DPP10: variants seen among roughly 807,000 people sequenced by gnomAD.
The protein encoded by DPP10 is inactive dipeptidyl peptidase 10.
In DPP10, 33 loss-of-function variants were observed where a neutral mutation model predicts 120.9. The ratio of observed to expected loss-of-function variants is 0.27; its 90% CI spans 0.21 to 0.37. DPP10 has a LOEUF of 0.37. Among genes scored for constraint, DPP10 ranks in the 10% least tolerant of loss-of-function variants. The probability of loss-of-function intolerance (pLI) is 1.00; values close to 1 mark genes in which losing one functional copy is unlikely to be tolerated. For synonymous variants in DPP10, 337 were observed against 326.1 expected (o/e 1.03, Z -0.36); for missense variants, 816 against 942.8 (o/e 0.87, Z 1.76).
At position 115,055,152 on chromosome 2, in the gene DPP10, T is replaced by C. The variant is rs558835249; in HGVS notation, c.61-254087T>C. Among the ~76,000 whole-genome samples the C allele has an allele frequency of 1.2e-4, 18 of 152,314 alleles. No homozygotes were observed. The South Asian group carries it at 3.3e-3, about 28-fold the overall frequency. On this transcript the variant is annotated intron_variant, in intron 1 of 25. Transcript: ENST00000410059. The stretch of plus-strand genomic sequence containing the variant: ...CATTTCTTATTCCTCATCCAACCTG[T>C]TTTCTTTCAAAGAGGCTAGCTCTTA...
At chr2:115,589,173 G>A (rs747067126) in intron 5 of DPP10, among the ~76,000 whole-genome samples, 3 of 152,244 alleles carry the variant, frequency 2.0e-5, no homozygotes, top group South Asian at 2.1e-4. Context: ...TAGTAACCAC[G>A]AAACTCCTGC....
intron 1 of DPP10, among the ~76,000 whole-genome samples, chr2:115,222,883 C>T (rs957840468): frequency 1.3e-5 from 2 of 151,808 alleles, no homozygotes; most frequent in African/African-American, 4.8e-5. Context: ...TTCTAAAGAG[C>T]ATTATTAAAA....
chr2:114,880,046 A>G (rs1691480416), intron 1 of DPP10, among the ~76,000 whole-genome samples: 1 of 152,316 alleles, frequency 6.6e-6, no homozygotes, highest in African/African-American at 2.4e-5. Flanking sequence ...AAGAGATTAT[A>G]CTTATTCCCT....
At chr2:114,770,121 A>G (rs975967552) in intron 1 of DPP10, among the ~76,000 whole-genome samples, 1 of 152,182 alleles carries the variant, frequency 6.6e-6, no homozygotes, top group Non-Finnish European at 1.5e-5. Flanking sequence ...AAAGACAAAG[A>G]GAAAAAATAG....
intron 5 of DPP10, among the ~76,000 whole-genome samples, chr2:115,560,722 A>G (rs1468191913): frequency 6.6e-6 from 1 of 151,846 alleles, no homozygotes. Context: ...TCAAGCTAGC[A>G]AAGTGATACT....
At chr2:115,260,339 T>A (rs2059198568) in intron 1 of DPP10, among the ~76,000 whole-genome samples, 1 of 152,188 alleles carries the variant, frequency 6.6e-6, no homozygotes, top group Admixed American at 6.5e-5. Context: ...AACTTACTTT[T>A]CTTTCATGGC....
At chr2:114,939,769 A>AT (rs1314014931) in intron 1 of DPP10, among the ~76,000 whole-genome samples, 1 of 152,048 alleles carries the variant, frequency 6.6e-6, no homozygotes, top group African/African-American at 2.4e-5. Flanking sequence ...GATTTCATTC[A>AT]TTTCTCACCC....
At chr2:114,456,831 G>T (rs1010002356) in intron 1 of DPP10, among the ~76,000 whole-genome samples, 1 of 152,184 alleles carries the variant, frequency 6.6e-6, no homozygotes, top group African/African-American at 2.4e-5. Context: ...GCCAAGGGCA[G>T]ATATGAAGCC....
At chr2:114,454,397 C>T (rs1678449706) in intron 1 of DPP10, among the ~76,000 whole-genome samples, 1 of 152,130 alleles carries the variant, frequency 6.6e-6, no homozygotes, top group Non-Finnish European at 1.5e-5. Context: ...AAAACATTAA[C>T]TTGCCCAATG....
intron 1 of DPP10, among the ~76,000 whole-genome samples, chr2:114,588,322 C>A (rs969479513): frequency 6.6e-6 from 1 of 152,142 alleles, no homozygotes; most frequent in Admixed American, 6.5e-5. Context: ...AAGTAAATTA[C>A]CAAATAGTCA....
chr2:115,485,722 A>C (rs1211278972), intron 3 of DPP10, among the ~76,000 whole-genome samples: 1 of 152,134 alleles, frequency 6.6e-6, no homozygotes. Context: ...TCTGTTGTTT[A>C]GATGTATGAA....
chr2:114,657,958 A>G (rs1697088149), intron 1 of DPP10, among the ~76,000 whole-genome samples: 1 of 152,294 alleles, frequency 6.6e-6, no homozygotes, highest in South Asian at 2.1e-4. Flanking sequence ...TGTATAAATA[A>G]TCTACCACCA....
intron 25 of DPP10, 94 bp downstream of exon 25, chr2:115,840,917 CTAT>C: frequency 1.0e-6 from 1 of 1,003,962 alleles, no homozygotes; most frequent in Non-Finnish European, 1.4e-6. Context: ...ATTCTCCCTA[CTAT>C]TATTTTTTAA....
At chr2:114,631,282 C>G (rs573605702) in intron 1 of DPP10, among the ~76,000 whole-genome samples, 1 of 151,958 alleles carries the variant, frequency 6.6e-6, no homozygotes, top group Non-Finnish European at 1.5e-5. Context: ...TCCGACAAAC[C>G]CACACATTTG....
At chr2:115,704,651 A>T (rs1437771317) in intron 7 of DPP10, among the ~76,000 whole-genome samples, 1 of 151,992 alleles carries the variant, frequency 6.6e-6, no homozygotes, top group Non-Finnish European at 1.5e-5. Flanking sequence ...TATGGGAAAA[A>T]GTCATGTATG....
At chr2:115,327,770 T>A (rs2062453136) in intron 2 of DPP10, among the ~76,000 whole-genome samples, 1 of 152,112 alleles carries the variant, frequency 6.6e-6, no homozygotes, top group Non-Finnish European at 1.5e-5. Context: ...ATTCAAAAGA[T>A]GTTGAGAGTC....
At chr2:115,433,180 A>G (rs2071163864) in intron 3 of DPP10, among the ~76,000 whole-genome samples, 1 of 151,994 alleles carries the variant, frequency 6.6e-6, no homozygotes, top group African/African-American at 2.4e-5. Flanking sequence ...CTTTCTCGTA[A>G]TGTAACAATT....
At chr2:115,755,551 C>T (rs1679285535) in intron 11 of DPP10, among the ~76,000 whole-genome samples, 1 of 151,948 alleles carries the variant, frequency 6.6e-6, no homozygotes, top group Admixed American at 6.6e-5. Flanking sequence ...ATTTCCAAAG[C>T]TATAAAACTA....
chr2:115,374,450 T>C (rs1280106537), intron 3 of DPP10, among the ~76,000 whole-genome samples: 1 of 152,160 alleles, frequency 6.6e-6, no homozygotes, highest in Non-Finnish European at 1.5e-5. Flanking sequence ...TGCCTGTGGC[T>C]TTTCCAGGTG....
Sources: allele counts gnomAD v4.1 joint callset (sites outside exome capture counted in the v4.1 genomes callset), GRCh38; gene constraint gnomAD v4.1.1; transcripts MANE v1.5; gene names NCBI Gene and HGNC (gene_info 2026-07-23, HGNC 2026-07-21).